Variants in SUPT3H observed in about 807,000 individuals in gnomAD.
SUPT3H encodes SPT3 homolog, SAGA and STAGA complex component.
Under a neutral mutation model 44.3 loss-of-function variants are expected in SUPT3H, and 44 were observed. That is an observed-to-expected ratio of 0.99 (90% confidence interval 0.78 to 1.28). The LOEUF (loss-of-function observed/expected upper bound fraction) is 1.28, where lower values mean the gene tolerates loss of function less well. Among genes scored for constraint, SUPT3H ranks in the 50% most tolerant of loss-of-function variants. The pLI, the probability that SUPT3H is intolerant of heterozygous loss-of-function variation, is 0.00. For synonymous variants in SUPT3H, 124 were observed against 125.6 expected, an observed-to-expected ratio of 0.99 and a Z score of 0.09; for missense variants, 380 against 387.1, an observed-to-expected ratio of 0.98 and a Z score of 0.15.
intron 2 of SUPT3H, among the ~76,000 whole-genome samples, chr6:45,258,256 G>A (rs1773743868): frequency 6.6e-6 from 1 of 152,166 alleles, no homozygotes; most frequent in Non-Finnish European, 1.5e-5. Flanking sequence ...AAAATTAAAT[G>A]AGCGTTGTCA....
intron 10 of SUPT3H, among the ~76,000 whole-genome samples, chr6:44,921,612 G>T (rs1768734647): frequency 6.6e-6 from 1 of 152,088 alleles, no homozygotes; most frequent in South Asian, 2.1e-4. Flanking sequence ...CCAAAACCCT[G>T]CTTGGATGAG....
chr6:45,100,437 G>A (rs1286748191), intron 3 of SUPT3H, among the ~76,000 whole-genome samples: 12 of 148,368 alleles, frequency 8.1e-5, no homozygotes, highest in Admixed American at 4.8e-4. Flanking sequence ...GTTGGGTGCA[G>A]TGACACACAC....
At chr6:45,107,690 G>A (rs1244103453) in intron 2 of SUPT3H, among the ~76,000 whole-genome samples, 1 of 151,950 alleles carries the variant, frequency 6.6e-6, no homozygotes, top group South Asian at 2.1e-4. Flanking sequence ...AACATATTTC[G>A]AACAAATAAC....
At chr6:44,863,056 C>T (rs1033721995) in intron 10 of SUPT3H, among the ~76,000 whole-genome samples, 5 of 152,158 alleles carry the variant, frequency 3.3e-5, no homozygotes, top group Non-Finnish European at 7.3e-5. Flanking sequence ...GTTATAAAAA[C>T]TCCCCTCAAA....
At chr6:45,153,168 T>C (rs1807226504) in intron 2 of SUPT3H, among the ~76,000 whole-genome samples, 1 of 152,188 alleles carries the variant, frequency 6.6e-6, no homozygotes, top group East Asian at 1.9e-4. Context: ...CCCCTTATCC[T>C]GCTTTATTTT....
At chr6:45,165,250 C>G (rs1198015205) in intron 2 of SUPT3H, among the ~76,000 whole-genome samples, 4 of 152,180 alleles carry the variant, frequency 2.6e-5, no homozygotes, top group Non-Finnish European at 5.9e-5. Flanking sequence ...AGAGCCCATA[C>G]TAAGCACAAG....
chr6:45,282,848 A>G (rs1416208623), intron 2 of SUPT3H, among the ~76,000 whole-genome samples: 1 of 152,214 alleles, frequency 6.6e-6, no homozygotes, highest in East Asian at 1.9e-4. Flanking sequence ...AGGTCAAGTT[A>G]CCCACTAACG....
chr6:45,142,735 T>TAAAAAAAA (rs1805425494), intron 2 of SUPT3H, among the ~76,000 whole-genome samples: 1 of 9,066 alleles, frequency 1.1e-4, no homozygotes, highest in Non-Finnish European at 2.0e-4. Flanking sequence ...AAACTCCGTC[T>TAAAAAAAA]CAAAAAAAAA....
chr6:45,075,184 A>C (rs1020061334), intron 3 of SUPT3H, among the ~76,000 whole-genome samples: 2 of 152,122 alleles, frequency 1.3e-5, no homozygotes, highest in African/African-American at 4.8e-5. Context: ...AACTATAATT[A>C]TAGTATTTTG....
At chr6:45,207,501 T>A (rs1562690945) in intron 2 of SUPT3H, among the ~76,000 whole-genome samples, 1 of 152,214 alleles carries the variant, frequency 6.6e-6, no homozygotes, top group Non-Finnish European at 1.5e-5. Context: ...GAGACTAATG[T>A]ATGATCTAGA....
intron 10 of SUPT3H, among the ~76,000 whole-genome samples, chr6:44,867,264 G>C (rs569920923): frequency 7.3e-5 from 11 of 151,652 alleles, no homozygotes; most frequent in Admixed American, 6.6e-4. Context: ...TGATTCTCCT[G>C]TCTCAGTCTC....
chr6:45,197,529 T>C (rs893927182), intron 2 of SUPT3H: 9 of 243,732 alleles, frequency 3.7e-5, no homozygotes, highest in African/African-American at 1.2e-4. Flanking sequence ...TCCTCTATAA[T>C]ACATGCTTTT....
intron 2 of SUPT3H, among the ~76,000 whole-genome samples, chr6:45,345,999 C>G (rs1376502175): frequency 6.6e-6 from 1 of 152,170 alleles, no homozygotes; most frequent in Non-Finnish European, 1.5e-5. Context: ...TGTCACCCTA[C>G]CTACAAATCT....
At chr6:45,172,665 C>A (rs907507849) in intron 2 of SUPT3H, among the ~76,000 whole-genome samples, 11 of 150,476 alleles carry the variant, frequency 7.3e-5, no homozygotes, top group Non-Finnish European at 1.3e-4. Context: ...GATCTCAGCT[C>A]GCTACAACCT....
intron 3 of SUPT3H, among the ~76,000 whole-genome samples, chr6:45,044,724 G>C (rs1316935098): frequency 1.3e-5 from 2 of 152,092 alleles, no homozygotes; most frequent in African/African-American, 4.8e-5. Flanking sequence ...CAGGCCTGCT[G>C]GGTTTCAGGC....
intron 10 of SUPT3H, among the ~76,000 whole-genome samples, chr6:44,905,679 C>G (rs1479828553): frequency 1.3e-5 from 2 of 152,062 alleles, no homozygotes; most frequent in Non-Finnish European, 2.9e-5. Context: ...GGTATATACC[C>G]AAAGGATTAT....
chr6:45,209,356 A>T (rs2153629745), intron 2 of SUPT3H, among the ~76,000 whole-genome samples: 1 of 152,214 alleles, frequency 6.6e-6, no homozygotes, highest in East Asian at 1.9e-4. Context: ...ACCATTCTAG[A>T]TGCCACTAAG....
At chr6:44,944,914 T>C (rs1250123347) in intron 9 of SUPT3H, among the ~76,000 whole-genome samples, 1 of 152,090 alleles carries the variant, frequency 6.6e-6, no homozygotes, top group Non-Finnish European at 1.5e-5. Context: ...CCTCACTTTA[T>C]TGCACTTTGA....
intron 3 of SUPT3H, among the ~76,000 whole-genome samples, chr6:45,067,556 C>G (rs1292658645): frequency 6.6e-6 from 1 of 151,486 alleles, no homozygotes; most frequent in South Asian, 2.1e-4. Flanking sequence ...ATTTTCACAA[C>G]CTACTCATCT....
Sources: gnomAD v4.1 joint callset for allele counts (sites outside exome capture counted in the v4.1 genomes callset) on GRCh38, gnomAD v4.1.1 for gene constraint, MANE v1.5 for transcripts, NCBI Gene and HGNC (gene_info 2026-07-23, HGNC 2026-07-21) for gene names.